The following CTBP2 variants were observed in gnomAD, a reference collection of about 807,000 sequenced individuals.
CTBP2 encodes C-terminal-binding protein 2.
In CTBP2, 30 loss-of-function variants were observed where a neutral mutation model predicts 80.3. That is an observed-to-expected ratio of 0.37 (90% CI 0.28 to 0.51). CTBP2 has a LOEUF of 0.51. CTBP2 is among the 20% of genes least tolerant of loss of function. The pLI is 0.93. For synonymous variants in CTBP2, 594 were observed against 587.4 expected, an observed-to-expected ratio of 1.01 and a Z score of -0.16; for missense variants, 1,212 against 1,375.3, an observed-to-expected ratio of 0.88 and a Z score of 1.88.
Position 124,985,029 on chromosome 10 carries a change from A to G in CTBP2, c.*4489T>C. The G allele has an allele frequency of 6.7e-7, 1 of 1,494,216 alleles. No individual in the cohort carries two copies. Among genetic ancestry groups the G allele is most frequent in the Non-Finnish European group, 9.2e-7 (1 of 1,089,760 alleles). 92.6% of individuals were successfully genotyped at this position (1,494,216 alleles called of 1,614,324 possible). A position where few individuals can be genotyped will look rare whatever the true frequency, so the allele number is the denominator to read the frequency against. ...AAACAGCAGAAGACCAAGGCATCAG[A>G]TCTGTAATGACCCTAAAGTTAGTGT... On this transcript the variant is annotated 3_prime_UTR_variant, in exon 9 of 9. Coordinates refer to ENST00000309035, the MANE Select transcript of CTBP2 (RefSeq NM_022802.3).
At chr10:125,071,146 C>G (rs1160328365) in intron 2 of CTBP2, among the ~76,000 whole-genome samples, 1 of 152,194 alleles carries the variant, frequency 6.6e-6, no homozygotes, top group Non-Finnish European at 1.5e-5. Context: ...GACCTCGTAT[C>G]TGTGCCCCAC....
intron 1 of CTBP2, among the ~76,000 whole-genome samples, chr10:125,025,741 G>A (rs114984142): frequency 2.0e-5 from 3 of 152,094 alleles, no homozygotes; most frequent in Non-Finnish European, 2.9e-5. Context: ...GCCACCCCTC[G>A]TGAGCTCAAG....
chr10:125,063,255 T>C (rs1410883513), intron 2 of CTBP2, among the ~76,000 whole-genome samples: 1 of 152,228 alleles, frequency 6.6e-6, no homozygotes, highest in Non-Finnish European at 1.5e-5. Flanking sequence ...TCATCTCTGA[T>C]GTGGAAACAG....
At chr10:124,993,170 C>T (rs746785517) in intron 7 of CTBP2, 32 bp downstream of exon 9, 1 of 1,579,116 alleles carries the variant, frequency 6.3e-7, no homozygotes, top group East Asian at 2.3e-5. Context: ...CTGAGGCTGC[C>T]CTTGGCAGGC....
rs185629851 is a variant in CTBP2 at position 125,094,918 on chromosome 10, G to T, written c.-102+16072C>A. On this transcript the variant is annotated intron_variant, in intron 2 of 10. Transcript: ENST00000337195. ...ATAAGCAATACGCTGAAAGGGACAA[G>T]TAAGTGCATCAAAAAAGCAGAACAG... Among the ~76,000 whole-genome samples, 36 of 151,650 alleles carry T rather than the reference G, an allele frequency of 2.4e-4. No homozygotes were observed. The East Asian group carries it at 7.0e-3, about 29-fold the overall frequency.
At chr10:125,146,537 C>T (rs1406535422) in intron 1 of CTBP2, among the ~76,000 whole-genome samples, 1 of 152,342 alleles carries the variant, frequency 6.6e-6, no homozygotes, top group African/African-American at 2.4e-5. Context: ...CCTGCCTCAG[C>T]CTCCCAAAGT....
intron 2 of CTBP2, among the ~76,000 whole-genome samples, chr10:125,054,471 G>A (rs144467644): frequency 4.6e-5 from 7 of 152,268 alleles, no homozygotes; most frequent in South Asian, 4.2e-4. Flanking sequence ...TCCCCGAGCC[G>A]GGCCTTCAGA....
chr10:125,085,926 C>T lies in CTBP2; in HGVS notation c.-102+25064G>A, dbSNP rs548641024. Among the ~76,000 whole-genome samples the T allele has an allele frequency of 5.9e-5, 9 of 152,360 alleles. No individual in the cohort carries two copies. The South Asian group carries it at 1.9e-3, about 32-fold the overall frequency. On this transcript the variant is annotated intron_variant, in intron 2 of 10. Coordinates refer to the CTBP2 transcript ENST00000337195. ...TGGTCAAGATCCGGGTCTGCCCTCA[C>T]AGGGCCACAACCGCACTGGCTCCTG... is the stretch of plus-strand genomic sequence containing the variant.
intron 2 of CTBP2, among the ~76,000 whole-genome samples, chr10:125,086,926 G>A (rs1007078269): frequency 1.3e-5 from 2 of 152,070 alleles, no homozygotes; most frequent in East Asian, 1.9e-4. Flanking sequence ...CTGCACCTGC[G>A]GATCCTGAGG....
intron 2 of CTBP2, among the ~76,000 whole-genome samples, chr10:125,094,187 G>A (rs937556737): frequency 2.0e-4 from 30 of 152,306 alleles, no homozygotes; most frequent in Admixed American, 1.5e-3. Context: ...AGCCTCATTC[G>A]GATCAGTCTC....
chr10:125,144,014 C>T (rs754359734), intron 1 of CTBP2, among the ~76,000 whole-genome samples: 1 of 152,202 alleles, frequency 6.6e-6, no homozygotes, highest in Non-Finnish European at 1.5e-5. Flanking sequence ...CACCCAGACG[C>T]TCCCCAGAAA....
At chr10:125,141,322 G>A (rs144012993) in intron 1 of CTBP2, among the ~76,000 whole-genome samples, 7 of 152,202 alleles carry the variant, frequency 4.6e-5, no homozygotes, top group Non-Finnish European at 2.9e-5. Flanking sequence ...AGTGACTAGC[G>A]TCCTATTTGA....
intron 2 of CTBP2, among the ~76,000 whole-genome samples, chr10:125,056,142 G>T (rs1382547027): frequency 6.6e-6 from 1 of 150,960 alleles, no homozygotes; most frequent in African/African-American, 2.5e-5. Flanking sequence ...TCCAGCCTGG[G>T]CAATACAGCG....
intron 1 of CTBP2, among the ~76,000 whole-genome samples, chr10:125,129,550 C>T (rs971673678): frequency 1.4e-4 from 21 of 152,082 alleles, no homozygotes; most frequent in African/African-American, 5.1e-4. Flanking sequence ...ATGACCAGGG[C>T]TGGGGGCACA....
At chr10:125,129,607 G>C (rs1314207496) in intron 1 of CTBP2, among the ~76,000 whole-genome samples, 1 of 152,110 alleles carries the variant, frequency 6.6e-6, no homozygotes, top group East Asian at 1.9e-4. Context: ...CATTGTAGAT[G>C]ATCAGACCCA....
chr10:125,032,284 C>T (rs1017595699), upstream of CTBP2, among the ~76,000 whole-genome samples: 2 of 152,194 alleles, frequency 1.3e-5, no homozygotes, highest in African/African-American at 4.8e-5. Flanking sequence ...AACACCACCC[C>T]TTCTGCTCTT....
intron 2 of CTBP2, among the ~76,000 whole-genome samples, chr10:125,070,286 T>C (rs1027591446): frequency 6.6e-6 from 1 of 151,884 alleles, no homozygotes; most frequent in African/African-American, 2.4e-5. Flanking sequence ...GGGAGGCAGA[T>C]GTTGCAGTGA....
At chr10:125,018,934 G>A (rs1423227209) in intron 1 of CTBP2, among the ~76,000 whole-genome samples, 2 of 152,246 alleles carry the variant, frequency 1.3e-5, no homozygotes, top group East Asian at 1.9e-4. Context: ...CTCCTGGGAT[G>A]AATTTCTCCA....
intron 2 of CTBP2, among the ~76,000 whole-genome samples, chr10:125,050,248 C>A (rs1008203242): frequency 6.6e-6 from 1 of 152,178 alleles, no homozygotes; most frequent in Admixed American, 6.5e-5. Context: ...CTGTCTCCTG[C>A]GACAGGTCGT....
Sources: allele counts gnomAD v4.1 joint callset (sites outside exome capture counted in the v4.1 genomes callset), GRCh38; gene constraint gnomAD v4.1.1; transcripts MANE v1.5; gene names NCBI Gene and HGNC (gene_info 2026-07-23, HGNC 2026-07-21).